Variants in AKAIN1 observed in about 807,000 individuals in gnomAD.
AKAIN1 encodes the protein A-kinase anchor inhibitor 1, also known as A-kinase anchor protein inhibitor 1.
Under a neutral mutation model 3.7 loss-of-function variants are expected in AKAIN1, and 3 were observed. The observed-to-expected ratio is 0.82, with a 90% CI of 0.37 to 2.12. AKAIN1 has a LOEUF of 2.12. Among genes scored for constraint, AKAIN1 ranks in the 30% most tolerant of loss-of-function variants. The pLI is 0.06. For synonymous variants in AKAIN1, 31 were observed against 30.8 expected (o/e 1.01, Z -0.02); for missense variants, 82 against 82.7 (o/e 0.99, Z 0.03).
At chr18:5,195,111 T>C (rs569166823) in intron 1 of AKAIN1, among the ~76,000 whole-genome samples, 1 of 151,436 alleles carries the variant, frequency 6.6e-6, no homozygotes, top group South Asian at 2.1e-4. Context: ...CAAATGCTTA[T>C]GATTTTTCAA....
chr18:5,174,975 T>C (rs972176208), intron 1 of AKAIN1, among the ~76,000 whole-genome samples: 2 of 152,156 alleles, frequency 1.3e-5, no homozygotes, highest in South Asian at 2.1e-4. Flanking sequence ...CTTGACCAGA[T>C]ACCAGTAGCC....
Position 5,144,275 on chromosome 18 carries a change from A to T in AKAIN1, c.*1287T>A, listed in dbSNP as rs1020033699. 1.3e-5 allele frequency among the ~76,000 whole-genome samples: 2 copies of T among 152,184 alleles called. No individual in the cohort carries two copies. The highest frequency in any genetic ancestry group is 2.4e-5 in the African/African-American group (1 of 41,454). The stretch of plus-strand genomic sequence containing the variant: ...TATCAGTCACAATTTATACCCGAAT[A>T]CTTTGCTTTAAAAAAAAATCAAATG... On this transcript the variant is annotated 3_prime_UTR_variant, in exon 2 of 2. Transcript: ENST00000434239.
At chr18:5,154,653 G>C (rs914096370) in intron 1 of AKAIN1, among the ~76,000 whole-genome samples, 2 of 152,050 alleles carry the variant, frequency 1.3e-5, no homozygotes, top group Admixed American at 6.5e-5. Flanking sequence ...GATGGGATGG[G>C]AGGTGGGACA....
intron 1 of AKAIN1, among the ~76,000 whole-genome samples, chr18:5,152,910 C>G (rs1453632844): frequency 1.3e-5 from 2 of 152,158 alleles, no homozygotes; most frequent in Admixed American, 6.5e-5. Flanking sequence ...GTATCAGAGC[C>G]TTTTTCTGAT....
chr18:5,177,496 A>G (rs1256986918), intron 1 of AKAIN1, among the ~76,000 whole-genome samples: 3 of 152,022 alleles, frequency 2.0e-5, no homozygotes, highest in Non-Finnish European at 4.4e-5. Flanking sequence ...TTTTCCATAT[A>G]TATATATATG....
At chr18:5,188,512 T>C (rs9959599) in intron 1 of AKAIN1, among the ~76,000 whole-genome samples, 78,577 of 151,596 alleles carry the variant, frequency 0.52, 20,493 homozygotes, top group East Asian at 0.66. Context: ...GTGCCACCCA[T>C]CCTTCCCCCT....
intron 1 of AKAIN1, among the ~76,000 whole-genome samples, chr18:5,169,335 A>G (rs2071184662): frequency 6.6e-6 from 1 of 152,120 alleles, no homozygotes; most frequent in African/African-American, 2.4e-5. Flanking sequence ...GTGTTTGGCC[A>G]ATCAACTGGA....
intron 1 of AKAIN1, among the ~76,000 whole-genome samples, chr18:5,155,515 G>A (rs961633486): frequency 1.3e-5 from 2 of 152,104 alleles, no homozygotes; most frequent in East Asian, 3.9e-4. Flanking sequence ...TCTCATCCGC[G>A]GCTGCACTGC....
chr18:5,152,547 T>A (rs2143313993), intron 1 of AKAIN1, among the ~76,000 whole-genome samples: 1 of 152,224 alleles, frequency 6.6e-6, no homozygotes, highest in South Asian at 2.1e-4. Flanking sequence ...TTTTCCTCTG[T>A]TGCAACCCAG....
At chr18:5,197,634 G>A, upstream of AKAIN1, 1 of 424,786 alleles carries the variant, frequency 2.4e-6, no homozygotes. The surrounding 1 kb of genome is among the most constrained non-coding windows in gnomAD (Gnocchi z 6.9). Flanking sequence ...GTCCTCTCTC[G>A]CGAGTCCCAG....
intron 1 of AKAIN1, among the ~76,000 whole-genome samples, chr18:5,167,415 C>G (rs562365573): frequency 2.0e-5 from 3 of 152,030 alleles, no homozygotes; most frequent in African/African-American, 7.2e-5. Context: ...CAACTGCCTG[C>G]GTCACATGGG....
chr18:5,151,445 C>T (rs191705203), intron 1 of AKAIN1, among the ~76,000 whole-genome samples: 1 of 152,312 alleles, frequency 6.6e-6, no homozygotes, highest in East Asian at 1.9e-4. Context: ...CATGAGTTCC[C>T]AGCAATGAAA....
At chr18:5,156,443 T>C (rs2071108921) in intron 1 of AKAIN1, among the ~76,000 whole-genome samples, 1 of 152,176 alleles carries the variant, frequency 6.6e-6, no homozygotes, top group Non-Finnish European at 1.5e-5. Context: ...GAAGTGAGTA[T>C]AGAGGGAGAA....
At chr18:5,152,571 T>C (rs546368688) in intron 1 of AKAIN1, among the ~76,000 whole-genome samples, 1 of 152,296 alleles carries the variant, frequency 6.6e-6, no homozygotes, top group African/African-American at 2.4e-5. Context: ...CTCCACGTAT[T>C]GACTTGCCAT....
chr18:5,143,708 A>G lies in AKAIN1; in HGVS notation c.*1854T>C, dbSNP rs2071033490. On this transcript the variant is annotated 3_prime_UTR_variant, in exon 2 of 2. Coordinates refer to ENST00000434239, the MANE Select transcript of AKAIN1 (RefSeq NM_001145194.2). Reference sequence around the variant, plus strand: ...TTTCAAAGCTGTATGTGTTTTATTTATAAATAACATTTAGACACAGAGGTC... The same window carrying G: ...TTTCAAAGCTGTATGTGTTTTATTTGTAAATAACATTTAGACACAGAGGTC... Among the ~76,000 whole-genome samples, 1 of 152,250 alleles carries G rather than the reference A, an allele frequency of 6.6e-6. No homozygotes were observed. The highest frequency in any genetic ancestry group is 1.5e-5 in the Non-Finnish European group (1 of 68,038).
At chr18:5,174,623 C>T (rs1032799761) in intron 1 of AKAIN1, among the ~76,000 whole-genome samples, 1 of 152,054 alleles carries the variant, frequency 6.6e-6, no homozygotes. Context: ...CCCTTACAGT[C>T]CCAGCTACCT....
At chr18:5,195,943 G>T (rs2071344788) in intron 1 of AKAIN1, among the ~76,000 whole-genome samples, 1 of 152,130 alleles carries the variant, frequency 6.6e-6, no homozygotes, top group Non-Finnish European at 1.5e-5. Flanking sequence ...CTAGCATTCT[G>T]AGGGGGAGGG....
intron 1 of AKAIN1, among the ~76,000 whole-genome samples, chr18:5,155,531 C>T (rs1364264059): frequency 6.6e-6 from 1 of 152,170 alleles, no homozygotes; most frequent in African/African-American, 2.4e-5. Context: ...ACTGCCCAGA[C>T]GGTCAGAATG....
At chr18:5,147,897 C>T (rs1206562550) in intron 1 of AKAIN1, among the ~76,000 whole-genome samples, 3 of 152,218 alleles carry the variant, frequency 2.0e-5, no homozygotes, top group Non-Finnish European at 4.4e-5. Context: ...TATGAAGAGT[C>T]ACGAAGGCAT....
Sources: gnomAD v4.1 joint callset for allele counts (sites outside exome capture counted in the v4.1 genomes callset) on GRCh38, gnomAD v4.1.1 for gene constraint, Gnocchi (gnomAD v3.1) non-coding constraint, MANE v1.5 for transcripts, NCBI Gene and HGNC (gene_info 2026-07-23, HGNC 2026-07-21) for gene names.